Variants in BBS7 observed in about 807,000 individuals in gnomAD.
The protein encoded by BBS7 is BBSome complex member BBS7.
In BBS7, 50 loss-of-function variants were observed where a neutral mutation model predicts 90.3. The observed-to-expected ratio is 0.55, with a 90% CI of 0.44 to 0.70. The LOEUF is 0.70. BBS7 is among the 30% of genes least tolerant of loss of function. BBS7 has a pLI of 0.00. For synonymous variants in BBS7, 235 were observed against 287.4 expected, an observed-to-expected ratio of 0.82 and a Z score of 1.85; for missense variants, 729 against 838.9, an observed-to-expected ratio of 0.87 and a Z score of 1.62.
rs1724866953 is a variant in BBS7, at chr4:121,825,535, CT to C, written c.*324del. 8.7e-6 allele frequency: 2 copies of C among 229,552 alleles called. No homozygotes were observed. Among genetic ancestry groups the C allele is most frequent in the South Asian group, 1.4e-4 (2 of 14,384 alleles). The allele number at this position is 229,552 out of a possible 1,614,324, so 14.2% of individuals were successfully genotyped here. A position where few individuals can be genotyped will look rare whatever the true frequency, so the allele number is the denominator to read the frequency against. ...TCTACATGTTTATGTGTTTATGTAC[CT>C]TGTAATACATTTGAATATATTTTAA... On this transcript the variant is annotated 3_prime_UTR_variant, in exon 19 of 19. Transcript: ENST00000264499.
chr4:121,835,791 C>A (rs936355566), intron 13 of BBS7, among the ~76,000 whole-genome samples: 6 of 152,068 alleles, frequency 3.9e-5, no homozygotes, highest in African/African-American at 1.4e-4. Context: ...TAGGACATAA[C>A]AATTTTATAT....
chr4:121,847,519 A>G lies in BBS7; in HGVS notation c.935-13T>C. 6.4e-7 allele frequency: 1 copy of G among 1,568,382 alleles called. No homozygotes were observed. The highest frequency in any genetic ancestry group is 8.8e-7 in the Non-Finnish European group (1 of 1,138,762). On this transcript the variant is annotated splice_polypyrimidine_tract_variant and intron_variant, in intron 9 of 18. Transcript: ENST00000264499. Reference sequence around the variant, plus strand: ...CCTGTAACCCAGCCTGTAGAGATGAATTACAATCACGCACCACTTAGTACT... The same window carrying G: ...CCTGTAACCCAGCCTGTAGAGATGAGTTACAATCACGCACCACTTAGTACT...
Position 121,863,207 on chromosome 4 carries a change from C to CTG in BBS7, c.165+9_165+10insCA. ...AAAACCATTTTTCCCCTTCACAAAG[C>CTG]TATACTTACTGCTGCTTCTCCTTTC... On this transcript the variant is annotated intron_variant, in intron 3 of 18. Coordinates refer to ENST00000264499, the MANE Select transcript of BBS7 (RefSeq NM_176824.3). 1 of 1,613,388 alleles carries CTG rather than the reference C, an allele frequency of 6.2e-7. No homozygotes were observed. Among genetic ancestry groups the CTG allele is most frequent in the Non-Finnish European group, 8.5e-7 (1 of 1,179,452 alleles).
chr4:121,847,865 G>A (rs957744555), intron 9 of BBS7, among the ~76,000 whole-genome samples: 2 of 151,664 alleles, frequency 1.3e-5, no homozygotes, highest in African/African-American at 4.8e-5. Flanking sequence ...TTACTTTCAT[G>A]GAAATTTAAA....
At chr4:121,855,453 A>G in intron 6 of BBS7, 36 bp downstream of exon 6, 3 of 1,560,456 alleles carry the variant, frequency 1.9e-6, no homozygotes, top group Non-Finnish European at 2.7e-6. Flanking sequence ...CTATTAAAAC[A>G]CATAGTTGAT....
Position 121,868,084 on chromosome 4 carries a change from G to A in BBS7, c.37-38C>T, listed in dbSNP as rs772494341. 2.0e-6 allele frequency: 3 copies of A among 1,523,120 alleles called. No individual in the cohort carries two copies. The South Asian group carries it at 3.4e-5, about 17-fold the overall frequency. 94.4% of individuals were successfully genotyped at this position (1,523,120 alleles called of 1,614,324 possible). A position where few individuals can be genotyped will look rare whatever the true frequency, so the allele number is the denominator to read the frequency against. On this transcript the variant is annotated intron_variant, in intron 1 of 18. Coordinates refer to ENST00000264499, the MANE Select transcript of BBS7 (RefSeq NM_176824.3). ...ACCAGATGCCTAGTGAATTTAATTT[G>A]AAGTTATTACAGAGATTAAAATAAG...
intron 2 of BBS7, 106 bp downstream of exon 2, chr4:121,867,869 CCATTTT>C: frequency 3.1e-6 from 3 of 959,394 alleles, no homozygotes; most frequent in Non-Finnish European, 4.9e-6. Flanking sequence ...AAATTCATTT[CCATTTT>C]AACATTAGCA....
Position 121,854,765 on chromosome 4 carries a change from T to C in BBS7, c.657A>G (p.Ile219Met). The C allele has an allele frequency of 2.5e-6, 4 of 1,612,874 alleles. No individual in the cohort carries two copies. Among genetic ancestry groups the C allele is most frequent in the Non-Finnish European group, 3.4e-6 (4 of 1,179,188 alleles). Residue 219 changes from isoleucine to methionine, a missense_variant, in exon 7 of 19, where the codon ATA becomes ATG. By Grantham distance (10) the Ile-to-Met change is conservative (BLOSUM62 1). Coordinates refer to ENST00000264499, the MANE Select transcript of BBS7 (RefSeq NM_176824.3). ...GTACTGGTTTGGATGTAGTAATCTG[T>C]ATAAGCGCAAGTTTTCCGTCTGATG... ...FGTSDGKLAL[I>M]QITTSKPVRK...
At chr4:121,850,075 G>T (rs1726234211) in intron 8 of BBS7, among the ~76,000 whole-genome samples, 1 of 151,846 alleles carries the variant, frequency 6.6e-6, no homozygotes, top group Non-Finnish European at 1.5e-5. Context: ...AAACTTGTCT[G>T]ACAACCACTT....
chr4:121,851,436 A>AAGGG (rs1020490640), intron 8 of BBS7, among the ~76,000 whole-genome samples: 2 of 137,594 alleles, frequency 1.5e-5, no homozygotes, highest in Non-Finnish European at 1.6e-5. Flanking sequence ...GGAAGGAGGG[A>AAGGG]AGGGAGGGAG....
At chr4:121,869,724 A>G (rs562393725) in intron 1 of BBS7, among the ~76,000 whole-genome samples, 2 of 152,178 alleles carry the variant, frequency 1.3e-5, no homozygotes, top group South Asian at 4.1e-4. Flanking sequence ...CTTTTTGTAG[A>G]GAAGAGGTTT....
At chr4:121,847,551 G>A in intron 9 of BBS7, 45 bp from the exon 10 acceptor site, 1 of 1,336,112 alleles carries the variant, frequency 7.5e-7, no homozygotes, top group South Asian at 1.2e-5. Flanking sequence ...TACTGCTAGT[G>A]TTAAAAAGAT....
chr4:121,837,187 G>T (rs1004474129), intron 13 of BBS7, among the ~76,000 whole-genome samples: 1 of 151,936 alleles, frequency 6.6e-6, no homozygotes, highest in Non-Finnish European at 1.5e-5. Flanking sequence ...GGCTGTTCTT[G>T]AACTCCTGAC....
rs558490752 is a variant in BBS7 at position 121,858,296 on chromosome 4, G to A, written c.528+696C>T. ...TTCATCAACTGCACCAACTATATCA[G>A]CCTGTTTCTGATACAGTTCATCTAA... is the stretch of plus-strand genomic sequence containing the variant. On this transcript the variant is annotated intron_variant, in intron 5 of 18. Transcript: ENST00000264499. 2.6e-4 allele frequency among the ~76,000 whole-genome samples: 40 copies of A among 152,060 alleles called. No homozygotes were observed. The South Asian group carries it at 8.3e-3, about 32-fold the overall frequency.
At chr4:121,838,624 A>T (rs961923720) in intron 13 of BBS7, among the ~76,000 whole-genome samples, 2 of 152,152 alleles carry the variant, frequency 1.3e-5, no homozygotes, top group Non-Finnish European at 2.9e-5. Flanking sequence ...TTCAGATGGT[A>T]GGAAAATATA....
chr4:121,828,652 T>C lies in BBS7; in HGVS notation c.1753A>G (p.Thr585Ala), dbSNP rs775655387. The C allele has an allele frequency of 5.6e-6, 9 of 1,609,066 alleles. No homozygotes were observed. In the South Asian group the frequency reaches 9.9e-5, roughly 18 times the overall value. The change falls in exon 16 of 19, where the codon ACA becomes GCA. Residue 585 changes from threonine (T) to alanine (A), a missense_variant. Coordinates refer to ENST00000264499, the MANE Select transcript of BBS7 (RefSeq NM_176824.3). Reference protein sequence around the residue: ...ILKDVLSKEATKRKINLNISY... With the variant: ...ILKDVLSKEAAKRKINLNISY... Reference sequence around the variant, plus strand: ...ATGTTGAGGTTAATTTTCCTTTTTGTAGCTTCTTTAGAAAGCACATCTTTT... The same window carrying C: ...ATGTTGAGGTTAATTTTCCTTTTTGCAGCTTCTTTAGAAAGCACATCTTTT...
chr4:121,840,663 A>G (rs984826703), intron 12 of BBS7, among the ~76,000 whole-genome samples: 2 of 152,194 alleles, frequency 1.3e-5, no homozygotes, highest in African/African-American at 4.8e-5. Flanking sequence ...TTACAAAAAG[A>G]GACACAGCAA....
intron 5 of BBS7, among the ~76,000 whole-genome samples, chr4:121,857,229 T>C (rs1425035682): frequency 1.3e-5 from 2 of 151,614 alleles, no homozygotes; most frequent in South Asian, 2.1e-4. Flanking sequence ...GCTCAAATGA[T>C]GTTCCCACCT....
chr4:121,834,702 A>T (rs796810142), intron 14 of BBS7, among the ~76,000 whole-genome samples: 1 of 152,170 alleles, frequency 6.6e-6, no homozygotes, highest in South Asian at 2.1e-4. Context: ...AAAGAAGTGG[A>T]TGCCTAAGTT....
Sources: allele counts gnomAD v4.1 joint callset (sites outside exome capture counted in the v4.1 genomes callset), GRCh38; gene constraint gnomAD v4.1.1; transcripts MANE v1.5; gene names NCBI Gene and HGNC (gene_info 2026-07-23, HGNC 2026-07-21).